Variants in FAP observed in about 807,000 individuals in gnomAD.
FAP encodes prolyl endopeptidase FAP.
Under a neutral mutation model 126.5 loss-of-function variants are expected in FAP, and 110 were observed. The ratio of observed to expected loss-of-function variants is 0.87; its 90% CI spans 0.74 to 1.02. FAP has a LOEUF of 1.02. Ranked by LOEUF, FAP falls within the 50% of genes least tolerant of loss-of-function variation. The pLI, the probability that FAP is intolerant of heterozygous loss-of-function variation, is 0.00. For synonymous variants in FAP, 334 were observed against 297.3 expected, an observed-to-expected ratio of 1.12 and a Z score of -1.27; for missense variants, 919 against 909.2, an observed-to-expected ratio of 1.01 and a Z score of -0.14.
At chr2:162,189,776 T>C (rs1687975997) in intron 17 of FAP, 22 bp from the exon 18 acceptor site, 1 of 1,350,738 alleles carries the variant, frequency 7.4e-7, no homozygotes, top group African/African-American at 1.5e-5. Flanking sequence ...TAAATGTTCA[T>C]TTTTAATCAA....
intron 19 of FAP, 45 bp downstream of exon 19, chr2:162,189,058 A>T: frequency 1.6e-6 from 2 of 1,232,374 alleles, no homozygotes; most frequent in Non-Finnish European, 2.3e-6. Flanking sequence ...TTCATCTAAC[A>T]TATTTTCAGT....
Position 162,242,917 on chromosome 2 carries a change from G to A in FAP, c.82C>T (p.Pro28Ser). Residue 28 changes from proline (P) to serine (S), a missense_variant, in exon 2 of 26, where the codon CCT (proline) becomes TCT (serine). Transcript: ENST00000188790. Reference sequence around the variant, plus strand: ...CAGAGAAAGTTCTTACCTCTTGAAGGGCGTAAGACAATGCACATCACCAAT... The same window carrying A: ...CAGAGAAAGTTCTTACCTCTTGAAGAGCGTAAGACAATGCACATCACCAAT... ...ALLVMCIVLR[P>S]SRVHNSEENT... 1 of 1,612,516 alleles carries A rather than the reference G, an allele frequency of 6.2e-7. No homozygotes were observed. The highest frequency in any genetic ancestry group is 8.5e-7 in the Non-Finnish European group (1 of 1,178,994).
intron 7 of FAP, 43 bp downstream of exon 7, chr2:162,219,810 T>C (rs1689309187): frequency 1.4e-6 from 2 of 1,381,646 alleles, no homozygotes; most frequent in Non-Finnish European, 2.0e-6. Context: ...ATGGCTCCTC[T>C]TTTATTTACA....
chr2:162,191,982 T>C (rs1688064949), intron 17 of FAP, among the ~76,000 whole-genome samples: 1 of 152,130 alleles, frequency 6.6e-6, no homozygotes, highest in Non-Finnish European at 1.5e-5. Flanking sequence ...CATTTACCTG[T>C]CTCTGATCTT....
chr2:162,188,407 A>T, intron 19 of FAP, 44 bp from the exon 20 acceptor site: 1 of 1,551,786 alleles, frequency 6.4e-7, no homozygotes, highest in Admixed American at 1.8e-5. Context: ...ATTGCTTTGT[A>T]AAACTCAATT....
chr2:162,195,462 AC>A (rs930875523), intron 16 of FAP, among the ~76,000 whole-genome samples: 3 of 150,632 alleles, frequency 2.0e-5, no homozygotes, highest in Non-Finnish European at 4.4e-5. Flanking sequence ...ATGGAGCTTT[AC>A]CCCCCTAGCA....
chr2:162,180,241 C>T (rs920686143), intron 21 of FAP, among the ~76,000 whole-genome samples: 1 of 152,116 alleles, frequency 6.6e-6, no homozygotes, highest in African/African-American at 2.4e-5. Context: ...ATGCAGAGTC[C>T]TATAAAATAC....
intron 20 of FAP, among the ~76,000 whole-genome samples, chr2:162,184,762 A>G (rs925256196): frequency 1.3e-5 from 2 of 151,044 alleles, no homozygotes; most frequent in African/African-American, 4.8e-5. Flanking sequence ...GAGAAGGTTC[A>G]CTTTCTTGTT....
chr2:162,200,506 T>A, intron 15 of FAP, 60 bp downstream of exon 15: 1 of 936,858 alleles, frequency 1.1e-6, no homozygotes, highest in South Asian at 1.4e-5. Flanking sequence ...CTGGGGATGA[T>A]GACTTTTTAT....
At chr2:162,176,096 T>C (rs1687474800) in intron 21 of FAP, 1 of 152,072 alleles carries the variant, frequency 6.6e-6, no homozygotes, top group South Asian at 2.1e-4. Context: ...CAGATCAGGA[T>C]AGATCATATC....
intron 2 of FAP, among the ~76,000 whole-genome samples, chr2:162,237,408 C>T (rs892248801): frequency 3.3e-5 from 5 of 152,090 alleles, no homozygotes; most frequent in Admixed American, 1.3e-4. Context: ...TGTGATGTTC[C>T]CCTCTCTTTA....
rs776427126 is a variant in FAP at position 162,219,103 on chromosome 2, T to A, written c.567A>T (p.Glu189Asp). The A allele has an allele frequency of 2.8e-5, 45 of 1,605,990 alleles. 1 individual carries two copies. The South Asian group carries it at 4.7e-4, about 17-fold the overall frequency. The part of the protein sequence containing the change: ...PPFQITFNGR[E>D]NKIFNGIPDW... ...CTGGGATTCCATTAAATATTTTATT[T>A]TCTCTTCCATTAAATGTTATTTGAA... The change falls in exon 8 of 26, where the codon GAA (glutamate) becomes GAT (aspartate). Residue 189 changes from glutamate (E) to aspartate (D), a missense_variant. Physicochemically the swap from Glu to Asp is conservative, Grantham distance 45. Coordinates refer to ENST00000188790, the MANE Select transcript of FAP (RefSeq NM_004460.5).
intron 2 of FAP, among the ~76,000 whole-genome samples, chr2:162,235,142 A>G (rs1436196099): frequency 9.0e-5 from 5 of 55,728 alleles, no homozygotes; most frequent in Admixed American, 6.6e-4. Flanking sequence ...CCACTCCCCC[A>G]GTCCCCCGTC....
chr2:162,172,832 T>G lies in FAP; in HGVS notation c.2160A>C (p.Ala720=), dbSNP rs201318265. 4.7e-5 allele frequency: 75 copies of G among 1,612,684 alleles called. No homozygotes were observed. In the African/African-American group the frequency reaches 9.1e-4, roughly 19 times the overall value. ...GTACCATTGCCTGGAAATCCACTTG[T>G]GCATTAACCAGAGCTTTAGCAATCT... ...SAQIAKALVN[A]QVDFQAMWYS... Residue 720 remains alanine, a synonymous_variant, in exon 25 of 26, where the codon GCA becomes GCC. Coordinates refer to ENST00000188790, the MANE Select transcript of FAP (RefSeq NM_004460.5).
At chr2:162,192,846 A>T (rs1235853374) in intron 17 of FAP, among the ~76,000 whole-genome samples, 2 of 152,190 alleles carry the variant, frequency 1.3e-5, no homozygotes, top group Admixed American at 1.3e-4. Flanking sequence ...CATATTCATG[A>T]GTCTCGGGTT....
chr2:162,212,762 A>G (rs1385372201), intron 11 of FAP, among the ~76,000 whole-genome samples: 1 of 152,214 alleles, frequency 6.6e-6, no homozygotes, highest in African/African-American at 2.4e-5. Flanking sequence ...TAGAAGACTC[A>G]CAAAATGTAC....
chr2:162,235,132 C>A (rs1490233798), intron 2 of FAP, among the ~76,000 whole-genome samples: 1 of 151,924 alleles, frequency 6.6e-6, no homozygotes, highest in Non-Finnish European at 1.5e-5. Context: ...CCCACTCCCC[C>A]CACTCCCCCA....
At chr2:162,223,420 G>C (rs1021993292) in intron 6 of FAP, among the ~76,000 whole-genome samples, 188 bp downstream of exon 6, 5 of 152,124 alleles carry the variant, frequency 3.3e-5, no homozygotes, top group Non-Finnish European at 5.9e-5. Flanking sequence ...AAATAAAGAG[G>C]TGGGTATCCC....
At chr2:162,194,934 C>A in intron 16 of FAP, 186 bp from the exon 17 acceptor site, 1 of 595,454 alleles carries the variant, frequency 1.7e-6, no homozygotes, top group East Asian at 2.8e-5. Flanking sequence ...TACATGAGAT[C>A]AAAGCCCACT....
Sources: gnomAD v4.1 joint callset for allele counts (sites outside exome capture counted in the v4.1 genomes callset) on GRCh38, gnomAD v4.1.1 for gene constraint, MANE v1.5 for transcripts, NCBI Gene and HGNC (gene_info 2026-07-23, HGNC 2026-07-21) for gene names.